The following EDEM1 variants were observed in gnomAD, a reference collection of about 807,000 sequenced individuals.
EDEM1 encodes ER degradation enhancing alpha-mannosidase like protein 1.
Under a neutral mutation model 74.4 loss-of-function variants are expected in EDEM1, and 67 were observed. The ratio of observed to expected loss-of-function variants is 0.90; its 90% CI spans 0.74 to 1.10. EDEM1 has a LOEUF of 1.10. Ranked by LOEUF, EDEM1 falls within the 50% of genes least tolerant of loss-of-function variation. The pLI is 0.00. For synonymous variants in EDEM1, 382 were observed against 335.9 expected, an observed-to-expected ratio of 1.14 and a Z score of -1.50; for missense variants, 926 against 851.6, an observed-to-expected ratio of 1.09 and a Z score of -1.09.
Position 5,203,642 on chromosome 3 carries a change from G to T in EDEM1, c.1042+493G>T, listed in dbSNP as rs561862727. Reference sequence around the variant, plus strand: ...TTATTATGGAAAATTTCATAATATAGTAGAGAGAAAGTATGATGAATAATG... The same window carrying T: ...TTATTATGGAAAATTTCATAATATATTAGAGAGAAAGTATGATGAATAATG... On this transcript the variant is annotated intron_variant, in intron 5 of 11. Coordinates refer to ENST00000256497, the MANE Select transcript of EDEM1 (RefSeq NM_014674.3). Among the ~76,000 whole-genome samples the T allele has an allele frequency of 2.0e-5, 3 of 152,280 alleles. No homozygotes were observed. In the East Asian group the frequency reaches 5.8e-4, roughly 29 times the overall value.
intron 1 of EDEM1, among the ~76,000 whole-genome samples, chr3:5,193,732 G>A (rs2106588059): frequency 6.6e-6 from 1 of 152,176 alleles, no homozygotes; most frequent in South Asian, 2.1e-4. Flanking sequence ...CTAGTAGCTG[G>A]GATTACAGGC....
rs189614544 is a variant in EDEM1 at position 5,210,750 on chromosome 3, A to G, written c.1584-370A>G. On this transcript the variant is annotated intron_variant, in intron 9 of 11. Coordinates refer to ENST00000256497, the MANE Select transcript of EDEM1 (RefSeq NM_014674.3). ...TAAGTACTATCTTAAATAATAAGTC[A>G]ATACTCAAATAATAAGTCAATTCTC... Among the ~76,000 whole-genome samples the G allele has an allele frequency of 4.1e-3, 627 of 152,094 alleles. 5 individuals are homozygous for G. The highest frequency in any genetic ancestry group is 7.2e-3 in the Non-Finnish European group (488 of 68,014).
intron 2 of EDEM1, among the ~76,000 whole-genome samples, chr3:5,198,101 G>A (rs1026630308): frequency 1.3e-4 from 20 of 152,162 alleles, no homozygotes; most frequent in African/African-American, 4.6e-4. Context: ...CTGGAGTGCA[G>A]TGGTGAGATC....
In EDEM1 at chr3:5,210,220, CAG is replaced by C; in HGVS notation, c.1558_1559del (p.Leu521GlyfsTer18). 5 of 1,614,216 alleles carry C rather than the reference CAG, an allele frequency of 3.1e-6. No individual in the cohort carries two copies. The highest frequency in any genetic ancestry group is 4.2e-6 in the Non-Finnish European group (5 of 1,180,028). ...CCTCCATGTAGGAATGGATATTCTG[CAG>C]AGTCTGGAAAAGTACACAAAAGTCA... Reference protein sequence around the residue: ...FYLHVGMDILQSLEKYTKVKC... With the variant: ...FYLHVGMDILXSLEKYTKVKC... On this transcript the variant is annotated frameshift_variant, in exon 9 of 12. Coordinates refer to ENST00000256497, the MANE Select transcript of EDEM1 (RefSeq NM_014674.3). LOFTEE classifies it high-confidence loss of function.
At position 5,188,076 on chromosome 3, in the gene EDEM1, G is replaced by T; in HGVS notation, c.271G>T (p.Gly91Trp). The T allele has an allele frequency of 1.3e-6, 2 of 1,482,164 alleles. No homozygotes were observed. The highest frequency in any genetic ancestry group is 9.0e-7 in the Non-Finnish European group (1 of 1,115,176). 91.8% of individuals were successfully genotyped at this position (1,482,164 alleles called of 1,614,324 possible). Residue 91 changes from glycine to tryptophan, a missense_variant, in exon 1 of 12, where the codon GGG becomes TGG. Gly to Trp is a radical substitution (Grantham distance 184). Transcript: ENST00000256497. The part of the protein sequence containing the change: ...QSPRKAPRRP[G>W]PGMCGPANWG... The stretch of plus-strand genomic sequence containing the variant: ...CCCGCGCAAGGCTCCGCGGCGTCCT[G>T]GGCCGGGGATGTGCGGCCCAGCCAA...
chr3:5,204,801 A>C (rs778944426), intron 5 of EDEM1, among the ~76,000 whole-genome samples: 55 of 152,228 alleles, frequency 3.6e-4, no homozygotes, highest in Non-Finnish European at 5.9e-4. Context: ...TCAATCTGGA[A>C]AAGCAAAATG....
intron 1 of EDEM1, among the ~76,000 whole-genome samples, chr3:5,189,940 T>C (rs918925519): frequency 6.6e-6 from 1 of 151,958 alleles, no homozygotes; most frequent in Non-Finnish European, 1.5e-5. Flanking sequence ...ATTATTTGGC[T>C]CACTTAACTA....
At chr3:5,194,397 C>T (rs1056121570) in intron 1 of EDEM1, among the ~76,000 whole-genome samples, 2 of 152,180 alleles carry the variant, frequency 1.3e-5, no homozygotes, top group Admixed American at 1.3e-4. Context: ...CATCCCTATT[C>T]TCCCAGATGT....
In EDEM1 at chr3:5,215,900, G is replaced by T. The variant is rs747606363; in HGVS notation, c.1956G>T (p.Gln652His). The T allele has an allele frequency of 2.5e-6, 4 of 1,612,930 alleles. No homozygotes were observed. Among genetic ancestry groups the T allele is most frequent in the Admixed American group, 1.7e-5 (1 of 59,786 alleles). Residue 652 changes from glutamine to histidine, a missense_variant, in exon 12 of 12, where the codon CAG becomes CAT. Gln to His is a conservative substitution (Grantham distance 24, BLOSUM62 0). Coordinates refer to ENST00000256497, the MANE Select transcript of EDEM1 (RefSeq NM_014674.3). ...GCATCTACATGCGACAGATTGACCA[G>T]ATGGTTGGTTTGATTTGATCTGCTC... The part of the protein sequence containing the change: ...LKSIYMRQID[Q>H]MVGLI
intron 8 of EDEM1, 35 bp from the exon 9 acceptor site, chr3:5,210,140 C>T: frequency 6.3e-7 from 1 of 1,576,020 alleles, no homozygotes; most frequent in Non-Finnish European, 8.7e-7. Flanking sequence ...TCTTCCAAGC[C>T]CATGCTGGAT....
intron 10 of EDEM1, 41 bp downstream of exon 10, chr3:5,211,257 G>A (rs1029422226): frequency 1.3e-6 from 2 of 1,580,152 alleles, no homozygotes; most frequent in African/African-American, 2.7e-5. Flanking sequence ...ATTTAGTATT[G>A]CTTAGAGCAA....
At chr3:5,188,524 T>G in intron 1 of EDEM1, 1 of 444,816 alleles carries the variant, frequency 2.2e-6, no homozygotes. Flanking sequence ...CCTCTCCTGA[T>G]TCTCCCGGAA....
chr3:5,198,441 A>G (rs954327715), intron 2 of EDEM1, among the ~76,000 whole-genome samples: 1 of 152,186 alleles, frequency 6.6e-6, no homozygotes, highest in Admixed American at 6.5e-5. Flanking sequence ...GGCTTAGTGA[A>G]TCTGCAGTTT....
chr3:5,213,225 A>G (rs769592080), intron 10 of EDEM1, 94 bp from the exon 11 acceptor site: 24 of 1,291,614 alleles, frequency 1.9e-5, no homozygotes, highest in Non-Finnish European at 2.3e-5. Context: ...GGCCCAAGCA[A>G]ATTCTACTCC....
rs1197332897 is a variant in EDEM1, at chr3:5,213,599, C to T, written c.1884+77C>T. 11 of 1,396,962 alleles carry T rather than the reference C, an allele frequency of 7.9e-6. No homozygotes were observed. The East Asian group carries it at 1.2e-4, about 15-fold the overall frequency. The allele number at this position is 1,396,962 out of a possible 1,614,324, so 86.5% of individuals were successfully genotyped here. On this transcript the variant is annotated intron_variant, in intron 11 of 11. Coordinates refer to ENST00000256497, the MANE Select transcript of EDEM1 (RefSeq NM_014674.3). ...ATGAATTGCTTAGTTGTTCAGACTT[C>T]CTGACAGAAAATTGATGGTGTATGC... is the stretch of plus-strand genomic sequence containing the variant.
rs2055276956 is a variant in EDEM1, at chr3:5,218,891, C to T, written c.*2973C>T. The T allele has an allele frequency of 6.6e-6, 1 of 151,950 alleles. No individual in the cohort carries two copies. The highest frequency in any genetic ancestry group is 2.1e-4 in the South Asian group (1 of 4,828). 9.4% of individuals were successfully genotyped at this position (151,950 alleles called of 1,614,324 possible). A position where few individuals can be genotyped will look rare whatever the true frequency, so the allele number is the denominator to read the frequency against. Reference sequence around the variant, plus strand: ...GGCAGCGCTTGTGCTGGAACTTACTCATTGTAACTGAATCCTCAGGGCTTT... The same window carrying T: ...GGCAGCGCTTGTGCTGGAACTTACTTATTGTAACTGAATCCTCAGGGCTTT... On this transcript the variant is annotated 3_prime_UTR_variant, in exon 12 of 12. Transcript: ENST00000256497.
intron 1 of EDEM1, among the ~76,000 whole-genome samples, chr3:5,192,113 G>A (rs369819310): frequency 1.2e-4 from 19 of 152,174 alleles, no homozygotes; most frequent in Admixed American, 6.5e-5. Flanking sequence ...TCTTGTTTCC[G>A]TGACACCATC....
In EDEM1 at chr3:5,208,206, C is replaced by T. The variant is rs150607992; in HGVS notation, c.1452C>T (p.Asp484=). 81 of 1,613,752 alleles carry T rather than the reference C, an allele frequency of 5.0e-5. No homozygotes were observed. The highest frequency in any genetic ancestry group is 6.4e-5 in the Non-Finnish European group (75 of 1,179,960). Residue 484 remains aspartate, a synonymous_variant, in exon 8 of 12, where the codon GAC becomes GAT. Coordinates refer to ENST00000256497, the MANE Select transcript of EDEM1 (RefSeq NM_014674.3). ...ATAACTGGCAGCTGCAGGCCCCTGA[C>T]GTTCTCTTCTACCCACTGAGACCAG... ...ERYNWQLQAP[D]VLFYPLRPEL...
intron 2 of EDEM1, among the ~76,000 whole-genome samples, chr3:5,196,515 A>G (rs183530725): frequency 6.6e-6 from 1 of 152,244 alleles, no homozygotes; most frequent in Non-Finnish European, 1.5e-5. Context: ...CCAAGTTTGC[A>G]TTATGATTGT....
Sources: gnomAD v4.1 joint callset for allele counts (sites outside exome capture counted in the v4.1 genomes callset) on GRCh38, gnomAD v4.1.1 for gene constraint, MANE v1.5 for transcripts, NCBI Gene and HGNC (gene_info 2026-07-23, HGNC 2026-07-21) for gene names.